DRD3: variants seen among roughly 807,000 people sequenced by gnomAD.
DRD3 encodes the protein dopamine receptor D3.
DRD3 carries 19 observed loss-of-function variants against 36.3 expected under a neutral mutation model. That is an observed-to-expected ratio of 0.52 (90% confidence interval 0.36 to 0.77). The LOEUF (loss-of-function observed/expected upper bound fraction) is 0.77, where lower values mean the gene tolerates loss of function less well. Among genes scored for constraint, DRD3 ranks in the 30% least tolerant of loss-of-function variants. DRD3 has a pLI of 0.00. For missense variants in DRD3, 465 were observed against 505.3 expected, an observed-to-expected ratio of 0.92 and a Z score of 0.77; for synonymous variants, 195 against 203.7, an observed-to-expected ratio of 0.96 and a Z score of 0.36.
chr3:114,154,894 G>A (rs570622801), intron 3 of DRD3, among the ~76,000 whole-genome samples: 1 of 152,246 alleles, frequency 6.6e-6, no homozygotes, highest in East Asian at 1.9e-4. Flanking sequence ...TGGCTCCCTG[G>A]GGAGGCAAGG....
chr3:114,191,507 G>T (rs1284737558), intron 1 of DRD3, among the ~76,000 whole-genome samples: 2 of 152,228 alleles, frequency 1.3e-5, no homozygotes, highest in African/African-American at 4.8e-5. Flanking sequence ...ATGCCAGATG[G>T]TGTAGGAGTT....
chr3:114,182,714 C>T (rs962877491), upstream of DRD3, among the ~76,000 whole-genome samples: 13 of 151,980 alleles, frequency 8.6e-5, no homozygotes, highest in Admixed American at 2.0e-4. Context: ...CAGGTTTAAG[C>T]GATTCTCTAA....
chr3:114,151,584 C>A (rs762903010), intron 3 of DRD3, among the ~76,000 whole-genome samples: 7 of 152,180 alleles, frequency 4.6e-5, no homozygotes, highest in Non-Finnish European at 8.8e-5. Flanking sequence ...CCGGCTTCAG[C>A]AGACCACTGA....
intron 4 of DRD3, 43 bp downstream of exon 4, chr3:114,147,372 C>T (rs371929762): frequency 1.9e-6 from 3 of 1,598,054 alleles, no homozygotes; most frequent in Non-Finnish European, 2.6e-6. Flanking sequence ...TTCAGCTGTG[C>T]TGTGAATCAC....
intron 1 of DRD3, among the ~76,000 whole-genome samples, chr3:114,177,705 C>T (rs1408939435): frequency 2.6e-5 from 4 of 152,136 alleles, no homozygotes; most frequent in African/African-American, 4.8e-5. Context: ...TTGCTCAATA[C>T]CCTTGCTCAC....
At chr3:114,159,325 T>A (rs1297945575) in intron 3 of DRD3, among the ~76,000 whole-genome samples, 1 of 151,786 alleles carries the variant, frequency 6.6e-6, no homozygotes, top group Non-Finnish European at 1.5e-5. Context: ...TGCCCCTCTT[T>A]CTTTCTCTTT....
intron 1 of DRD3, among the ~76,000 whole-genome samples, chr3:114,187,631 T>C (rs2077982764): frequency 6.6e-6 from 1 of 152,208 alleles, no homozygotes; most frequent in Admixed American, 6.5e-5. Flanking sequence ...AAGTAGTTGG[T>C]TTGAAAAGGG....
chr3:114,136,156 A>G (rs1194782824), intron 5 of DRD3, among the ~76,000 whole-genome samples: 1 of 152,124 alleles, frequency 6.6e-6, no homozygotes. Flanking sequence ...CAAGGCTGCC[A>G]TGAGCTGTGA....
rs552698939 is a variant in DRD3 at position 114,167,993 on chromosome 3, A to G, written c.270+3730T>C. ...AAAAAGGCAGAGCTGAGAGAACTGTAGGGAAATGGAGCTGGTGCCCTGATG... is the reference window on the plus strand; with the variant it reads ...AAAAAGGCAGAGCTGAGAGAACTGTGGGGAAATGGAGCTGGTGCCCTGATG... On this transcript the variant is annotated intron_variant, in intron 2 of 6. Coordinates refer to ENST00000383673, the MANE Select transcript of DRD3 (RefSeq NM_000796.6). 9.1e-4 allele frequency among the ~76,000 whole-genome samples: 138 copies of G among 152,344 alleles called. 3 individuals carry two copies. The South Asian group carries it at 0.028, about 31-fold the overall frequency.
chr3:114,175,073 A>G (rs1372766824), intron 1 of DRD3, among the ~76,000 whole-genome samples: 1 of 152,044 alleles, frequency 6.6e-6, no homozygotes, highest in East Asian at 1.9e-4. Context: ...TGTCCTGTGC[A>G]TTGTGGGGGG....
Position 114,163,201 on chromosome 3 carries a change from G to A in DRD3, c.271-3334C>T, listed in dbSNP as rs115870516. Among the ~76,000 whole-genome samples, 327 of 152,234 alleles carry A rather than the reference G, an allele frequency of 2.1e-3. 1 individual carries two copies. Among genetic ancestry groups the A allele is most frequent in the African/African-American group, 7.5e-3 (312 of 41,546 alleles). ...TGATTAAAATAATTCCCACTAAGGT[G>A]CCATCACTTAGCCTTCCCTGGAGCT... On this transcript the variant is annotated intron_variant, in intron 2 of 6. Transcript: ENST00000383673.
At chr3:114,193,303 AC>A (rs200328037) in intron 1 of DRD3, among the ~76,000 whole-genome samples, 14,004 of 152,144 alleles carry the variant, frequency 0.092, 694 homozygotes, top group Middle Eastern at 0.2. Context: ...AACAACAACA[AC>A]AACAACAACA....
intron 1 of DRD3, among the ~76,000 whole-genome samples, chr3:114,198,189 T>C (rs1318710529): frequency 6.6e-6 from 1 of 152,122 alleles, no homozygotes; most frequent in Non-Finnish European, 1.5e-5. Flanking sequence ...GTCTTATTCT[T>C]AATGCTATTA....
At position 114,139,694 on chromosome 3, in the gene DRD3, C is replaced by A. The variant is rs890524151; in HGVS notation, c.529G>T (p.Asp177Tyr). 2 of 1,613,492 alleles carry A rather than the reference C, an allele frequency of 1.2e-6. No homozygotes were observed. The highest frequency in any genetic ancestry group is 8.5e-7 in the Non-Finnish European group (1 of 1,179,658). Residue 177 changes from aspartate to tyrosine, a missense_variant and splice_region_variant, in exon 5 of 7, where the codon GAC (aspartate) becomes TAC (tyrosine). Physicochemically the swap from Asp to Tyr is radical, Grantham distance 160. Transcript: ENST00000383673. Reference protein sequence around the residue: ...PLLFGFNTTGDPTVCSISNPD... With the variant: ...PLLFGFNTTGYPTVCSISNPD... Reference sequence around the variant, plus strand: ...TTGGAGATGGAGCAGACAGTGGGGTCCCCTGTGGATGAGAAGGGGGAAGGT... The same window carrying A: ...TTGGAGATGGAGCAGACAGTGGGGTACCCTGTGGATGAGAAGGGGGAAGGT...
At chr3:114,166,844 TG>T (rs1387962553) in intron 2 of DRD3, among the ~76,000 whole-genome samples, 1 of 152,196 alleles carries the variant, frequency 6.6e-6, no homozygotes, top group African/African-American at 2.4e-5. Flanking sequence ...GTGGAAATGA[TG>T]GCAAAAATAA....
rs1414937505 is a variant in DRD3 at position 114,131,306 on chromosome 3, C to T, written c.818G>A (p.Gly273Glu). The T allele has an allele frequency of 6.2e-7, 1 of 1,614,254 alleles. No homozygotes were observed. The highest frequency in any genetic ancestry group is 8.5e-7 in the Non-Finnish European group (1 of 1,180,050). ...ALGGPGFQER[G>E]GELKREEKTR... Reference sequence around the variant, plus strand: ...CTTCTCCTCTCTTTTCAACTCTCCTCCTCTTTCTTGGAAGCCTGGTCCACC... The same window carrying T: ...CTTCTCCTCTCTTTTCAACTCTCCTTCTCTTTCTTGGAAGCCTGGTCCACC... Residue 273 changes from glycine (G) to glutamate (E), a missense_variant, in exon 6 of 7, where the codon GGA becomes GAA. Transcript: ENST00000383673.
At chr3:114,156,744 T>C (rs1251692130) in intron 3 of DRD3, among the ~76,000 whole-genome samples, 2 of 1,946 alleles carry the variant, frequency 1.0e-3, no homozygotes, top group Non-Finnish European at 3.5e-3. Context: ...TTTCTTTCTT[T>C]TTCTTTCTTT....
At chr3:114,185,231 C>T (rs142987609) in intron 1 of DRD3, among the ~76,000 whole-genome samples, 48 of 152,266 alleles carry the variant, frequency 3.2e-4, no homozygotes, top group Non-Finnish European at 5.9e-4. Flanking sequence ...GGTGCTGTCA[C>T]AGTGTGTTAG....
intron 3 of DRD3, among the ~76,000 whole-genome samples, chr3:114,156,763 C>A (rs1029490667): frequency 9.8e-6 from 1 of 101,980 alleles, no homozygotes; most frequent in Non-Finnish European, 2.1e-5. Flanking sequence ...TTCTTTCTTT[C>A]TTTCTTTCTT....
Sources: allele counts gnomAD v4.1 joint callset (sites outside exome capture counted in the v4.1 genomes callset), GRCh38; gene constraint gnomAD v4.1.1; transcripts MANE v1.5; gene names NCBI Gene and HGNC (gene_info 2026-07-23, HGNC 2026-07-21).